The following MCTP2 variants were observed in gnomAD, a reference collection of about 807,000 sequenced individuals.
The protein encoded by MCTP2 is multiple C2 and transmembrane domain containing 2, also known as multiple C2 and transmembrane domain-containing protein 2.
MCTP2 carries 132 observed loss-of-function variants against 111.6 expected under a neutral mutation model. The observed-to-expected ratio is 1.18, with a 90% CI of 1.03 to 1.37. The LOEUF (loss-of-function observed/expected upper bound fraction) is 1.37, where lower values mean the gene tolerates loss of function less well. Ranked by LOEUF, MCTP2 falls within the 40% of genes most tolerant of loss-of-function variation. The pLI is 0.00. For synonymous variants in MCTP2, 395 were observed against 387.7 expected (o/e 1.02, Z -0.22); for missense variants, 1,183 against 1,067.9 (o/e 1.11, Z -1.50).
intron 14 of MCTP2, among the ~76,000 whole-genome samples, chr15:94,393,172 A>G (rs867911096): frequency 1.3e-5 from 2 of 152,330 alleles, no homozygotes; most frequent in South Asian, 4.1e-4. Context: ...TAAGATCAAC[A>G]TTATGAAAAT....
At chr15:94,243,692 C>A (rs1417106153) in intron 1 of MCTP2, among the ~76,000 whole-genome samples, 1 of 142,696 alleles carries the variant, frequency 7.0e-6, no homozygotes, top group Admixed American at 7.1e-5. Context: ...TATACACATA[C>A]ATATGCGTAT....
chr15:94,376,940 C>CA (rs2079810009), intron 12 of MCTP2, among the ~76,000 whole-genome samples: 2 of 152,042 alleles, frequency 1.3e-5, no homozygotes, highest in African/African-American at 4.8e-5. Flanking sequence ...TGTTGTTATA[C>CA]AAAAAAGTGC....
intron 17 of MCTP2, chr15:94,402,690 T>G: frequency 6.8e-7 from 1 of 1,475,128 alleles, no homozygotes; most frequent in Middle Eastern, 1.8e-4. Flanking sequence ...CAGGGCATTT[T>G]CTCTCATTTG....
chr15:94,247,342 T>G (rs2072090028), intron 1 of MCTP2, among the ~76,000 whole-genome samples: 1 of 152,100 alleles, frequency 6.6e-6, no homozygotes, highest in Admixed American at 6.6e-5. Context: ...GTCTCCAGGA[T>G]CCTCAGGATT....
Position 94,235,838 on chromosome 15 carries a change from C to T in MCTP2, c.-66+4174C>T, listed in dbSNP as rs139910523. ...TTATCTTGCCTGGGAGAGTTTTCAT[C>T]GATGCCACTGTTATGTGTTGGCATT... On this transcript the variant is annotated intron_variant, in intron 1 of 22. Transcript: ENST00000357742. Among the ~76,000 whole-genome samples the T allele has an allele frequency of 6.2e-3, 940 of 152,294 alleles. 13 individuals are homozygous for T. Among genetic ancestry groups the T allele is most frequent in the African/African-American group, 0.022 (907 of 41,550 alleles).
intron 4 of MCTP2, among the ~76,000 whole-genome samples, chr15:94,319,320 C>T (rs959713414): frequency 9.9e-5 from 15 of 152,164 alleles, no homozygotes; most frequent in Non-Finnish European, 1.2e-4. Context: ...CTAGGTACAG[C>T]GTCACTTTTC....
intron 2 of MCTP2, among the ~76,000 whole-genome samples, chr15:94,311,873 G>A (rs1020160742): frequency 2.6e-5 from 4 of 152,142 alleles, no homozygotes; most frequent in African/African-American, 7.2e-5. Flanking sequence ...GTACAGTGAG[G>A]ACAACTTGGG....
At chr15:94,268,476 G>A (rs972941253) in intron 1 of MCTP2, among the ~76,000 whole-genome samples, 7 of 152,072 alleles carry the variant, frequency 4.6e-5, no homozygotes, top group Non-Finnish European at 1.0e-4. Context: ...ACAGGCATGA[G>A]CCACCGCGCC....
intron 17 of MCTP2, among the ~76,000 whole-genome samples, chr15:94,416,737 A>G (rs2082397042): frequency 6.6e-6 from 1 of 152,154 alleles, no homozygotes; most frequent in African/African-American, 2.4e-5. Context: ...ATAGTGCAGA[A>G]TTCTGTTATG....
chr15:94,243,979 A>G (rs955014859), intron 1 of MCTP2, among the ~76,000 whole-genome samples: 1 of 147,736 alleles, frequency 6.8e-6, no homozygotes, highest in Non-Finnish European at 1.5e-5. Flanking sequence ...ATATGTATAC[A>G]CATACATATG....
At chr15:94,281,002 C>T (rs903965287) in intron 1 of MCTP2, among the ~76,000 whole-genome samples, 1 of 152,024 alleles carries the variant, frequency 6.6e-6, no homozygotes, top group Non-Finnish European at 1.5e-5. Context: ...TATGATGGAT[C>T]TTAGGGTATG....
intron 4 of MCTP2, among the ~76,000 whole-genome samples, chr15:94,335,998 A>AT (rs2152396758): frequency 6.6e-6 from 1 of 150,498 alleles, no homozygotes; most frequent in South Asian, 2.1e-4. Context: ...AATTAAAAAA[A>AT]GGAGAAGAGG....
At chr15:94,457,709 C>G (rs1199821132) in intron 19 of MCTP2, among the ~76,000 whole-genome samples, 2 of 152,208 alleles carry the variant, frequency 1.3e-5, no homozygotes, top group African/African-American at 4.8e-5. Context: ...AGGAATCATA[C>G]TACCTCTGTC....
At chr15:94,472,691 T>C (rs1259861194) in intron 21 of MCTP2, among the ~76,000 whole-genome samples, 1 of 152,236 alleles carries the variant, frequency 6.6e-6, no homozygotes, top group Non-Finnish European at 1.5e-5. Flanking sequence ...AAGCTCATAG[T>C]TTATTGAAGA....
At chr15:94,328,145 T>TG (rs2076964421) in intron 4 of MCTP2, among the ~76,000 whole-genome samples, 1 of 151,202 alleles carries the variant, frequency 6.6e-6, no homozygotes, top group African/African-American at 2.4e-5. Context: ...TTTTTTTTTT[T>TG]GAGATGGGAG....
chr15:94,311,137 G>A (rs1567388487), intron 2 of MCTP2, among the ~76,000 whole-genome samples: 1 of 150,772 alleles, frequency 6.6e-6, no homozygotes, highest in Admixed American at 6.6e-5. Context: ...TGACTCTCCT[G>A]CCTCAGCCTC....
intron 10 of MCTP2, among the ~76,000 whole-genome samples, chr15:94,364,796 C>T (rs2079104619): frequency 6.6e-6 from 1 of 152,132 alleles, no homozygotes; most frequent in South Asian, 2.1e-4. Flanking sequence ...AAATAATTCT[C>T]CCAGTCTCTG....
At position 94,340,863 on chromosome 15, in the gene MCTP2, A is replaced by G; in HGVS notation, c.908A>G (p.Asp303Gly). Residue 303 changes from aspartate (D) to glycine (G), a missense_variant, in exon 7 of 23, where the codon GAC becomes GGC. Transcript: ENST00000357742. ...KLEDPNSLED[D>G]MGVIVLNLNL... ...GAAGATCCAAACAGTTTAGAAGATG[A>G]CATGGGAGTGATCGTGTTAAATTTG... 1 of 1,613,396 alleles carries G rather than the reference A, an allele frequency of 6.2e-7. No individual in the cohort carries two copies. Among genetic ancestry groups the G allele is most frequent in the Non-Finnish European group, 8.5e-7 (1 of 1,179,448 alleles).
At position 94,231,646 on chromosome 15, in the gene MCTP2, C is replaced by G. The variant is rs547584079; in HGVS notation, c.-84C>G. ...CGCGCCTGCCCAGCTTTGCAGCCCC[C>G]GAACGCGGCCTCGCACAGGTGAGGG... On this transcript the variant is annotated 5_prime_UTR_variant, in exon 1 of 23. Coordinates refer to ENST00000357742, the MANE Select transcript of MCTP2 (RefSeq NM_001385001.1). The G allele has an allele frequency of 1.3e-5, 2 of 152,376 alleles. No individual in the cohort carries two copies. Among genetic ancestry groups the G allele is most frequent in the Non-Finnish European group, 2.9e-5 (2 of 68,170 alleles). The allele number at this position is 152,376 out of a possible 1,614,324, so 9.4% of individuals were successfully genotyped here.
Sources: allele counts gnomAD v4.1 joint callset (sites outside exome capture counted in the v4.1 genomes callset), GRCh38; gene constraint gnomAD v4.1.1; transcripts MANE v1.5; gene names NCBI Gene and HGNC (gene_info 2026-07-23, HGNC 2026-07-21).